Variants in SDHAF4 observed in about 807,000 individuals in gnomAD.
The protein encoded by SDHAF4 is succinate dehydrogenase assembly factor 4, mitochondrial.
SDHAF4 carries 14 observed loss-of-function variants against 14.3 expected under a neutral mutation model. The observed-to-expected ratio is 0.98, with a 90% CI of 0.65 to 1.53. The LOEUF is 1.53. Among genes scored for constraint, SDHAF4 ranks in the 40% most tolerant of loss-of-function variants. The probability of loss-of-function intolerance (pLI) is 0.00; values close to 1 mark genes in which losing one functional copy is unlikely to be tolerated. For missense variants in SDHAF4, 141 were observed against 129.3 expected (o/e 1.09, Z -0.44); for synonymous variants, 63 against 47.3 (o/e 1.33, Z -1.36).
intron 2 of SDHAF4, among the ~76,000 whole-genome samples, chr6:70,586,428 C>CTTTTTTTTTT (rs70990316): frequency 1.2e-5 from 1 of 80,304 alleles, no homozygotes; most frequent in Non-Finnish European, 2.4e-5. Flanking sequence ...ATTTGTTTGC[C>CTTTTTTTTTT]TTTTTTTTTT....
At chr6:70,594,790 T>C in the SDHAF4 span, among the ~76,000 whole-genome samples, 2 of 151,904 alleles carry the variant, frequency 1.3e-5, no homozygotes, top group African/African-American at 4.8e-5. Context: ...TGCACACCTG[T>C]AATCCCAGCT....
intron 1 of SDHAF4, among the ~76,000 whole-genome samples, chr6:70,568,756 T>G (rs528276690): frequency 3.9e-5 from 6 of 152,188 alleles, no homozygotes; most frequent in Non-Finnish European, 8.8e-5. Flanking sequence ...TTTCTAATTC[T>G]ATAGCAATTT....
intron 1 of SDHAF4, among the ~76,000 whole-genome samples, chr6:70,579,038 A>G (rs1802289196): frequency 1.3e-5 from 2 of 152,240 alleles, no homozygotes; most frequent in African/African-American, 2.4e-5. Context: ...ATTTAAATGT[A>G]GCCACTTCTG....
chr6:70,578,360 G>A (rs903790601), intron 1 of SDHAF4, among the ~76,000 whole-genome samples: 4 of 151,984 alleles, frequency 2.6e-5, no homozygotes, highest in Non-Finnish European at 4.4e-5. Context: ...TTTGTTGGCC[G>A]CTTATATGTC....
chr6:70,598,099 C>G, the SDHAF4 span, among the ~76,000 whole-genome samples: 1 of 152,262 alleles, frequency 6.6e-6, no homozygotes, highest in East Asian at 1.9e-4. Context: ...ATTTGCAGGC[C>G]GGATGTCGTG....
At chr6:70,593,638 A>G (rs1350851985), downstream of SDHAF4, among the ~76,000 whole-genome samples, 1 of 152,220 alleles carries the variant, frequency 6.6e-6, no homozygotes, top group Non-Finnish European at 1.5e-5. Context: ...CAGTGTTCAC[A>G]GGATGCCAGC....
At chr6:70,595,728 C>T in the SDHAF4 span, among the ~76,000 whole-genome samples, 20 of 151,024 alleles carry the variant, frequency 1.3e-4, no homozygotes, top group Admixed American at 9.3e-4. Context: ...CCCACATACT[C>T]GGGAGGCTGA....
At chr6:70,583,859 TCTGGGAGGGCCTGAAATCCCAGGTTA>T (rs1183921958) in intron 2 of SDHAF4, among the ~76,000 whole-genome samples, 1 of 152,180 alleles carries the variant, frequency 6.6e-6, no homozygotes, top group East Asian at 1.9e-4. Flanking sequence ...TCAGCTCAAA[TCTGGGAGGGCCTGAAATCCCAGGTTA>T]CAGTGTAAGG....
rs911636194 is a variant in SDHAF4 at position 70,588,793 on chromosome 6, TTTTC to T, written c.*77_*80del. The T allele has an allele frequency of 1.2e-6, 1 of 848,032 alleles. No individual in the cohort carries two copies. The allele number at this position is 848,032 out of a possible 1,614,324, so 52.5% of individuals were successfully genotyped here. ...ATCTGAATTAACTTATTTCTGATTA[TTTTC>T]TTTCTTTATATCCTTTATGTCGTGT... On this transcript the variant is annotated 3_prime_UTR_variant, in exon 3 of 3. Coordinates refer to ENST00000370474, the MANE Select transcript of SDHAF4 (RefSeq NM_145267.3).
At chr6:70,569,503 C>T (rs1295879555) in intron 1 of SDHAF4, among the ~76,000 whole-genome samples, 1 of 152,156 alleles carries the variant, frequency 6.6e-6, no homozygotes, top group Admixed American at 6.5e-5. Flanking sequence ...CTCGGCCTAC[C>T]GAAGTGTTGG....
chr6:70,590,265 G>C (rs1765246831), downstream of SDHAF4, among the ~76,000 whole-genome samples: 1 of 151,980 alleles, frequency 6.6e-6, no homozygotes, highest in Admixed American at 6.6e-5. Flanking sequence ...GCAAAGAAAA[G>C]AAAAGCACAC....
chr6:70,581,797 A>G lies in SDHAF4; in HGVS notation c.217+2231A>G, dbSNP rs993697355. ...TAATTTAAAAAATTTTTTTGTAGAG[A>G]TGAGGTCTTGCCATGTTACCCAGGC... is the stretch of plus-strand genomic sequence containing the variant. On this transcript the variant is annotated intron_variant, in intron 2 of 2. Transcript: ENST00000370474. Among the ~76,000 whole-genome samples, 3 of 152,020 alleles carry G rather than the reference A, an allele frequency of 2.0e-5. No homozygotes were observed. In the South Asian group the frequency reaches 6.2e-4, roughly 32 times the overall value.
At chr6:70,595,835 CAA>C in the SDHAF4 span, among the ~76,000 whole-genome samples, 28 of 98,674 alleles carry the variant, frequency 2.8e-4, no homozygotes, top group Middle Eastern at 5.1e-3. Context: ...GACTCTATCT[CAA>C]AAAAAAAAAA....
chr6:70,584,793 A>ACG (rs1364645450), intron 2 of SDHAF4, among the ~76,000 whole-genome samples: 1 of 152,202 alleles, frequency 6.6e-6, no homozygotes. Context: ...AGAAGTAGAT[A>ACG]CGAAAGTCAT....
At chr6:70,587,557 C>G (rs1765216055) in intron 2 of SDHAF4, among the ~76,000 whole-genome samples, 1 of 152,120 alleles carries the variant, frequency 6.6e-6, no homozygotes, top group Non-Finnish European at 1.5e-5. Flanking sequence ...CCTGTTTTTT[C>G]CATATACAGA....
intron 1 of SDHAF4, among the ~76,000 whole-genome samples, chr6:70,578,121 C>G (rs1271794531): frequency 6.6e-6 from 1 of 152,182 alleles, no homozygotes; most frequent in Non-Finnish European, 1.5e-5. Context: ...AATGATAGTT[C>G]TGTTTTAAGT....
At chr6:70,573,832 G>A (rs1802217658) in intron 1 of SDHAF4, among the ~76,000 whole-genome samples, 1 of 151,086 alleles carries the variant, frequency 6.6e-6, no homozygotes, top group East Asian at 2.0e-4. Context: ...CCACCACCAC[G>A]CCCAGCTAAT....
intron 1 of SDHAF4, among the ~76,000 whole-genome samples, chr6:70,569,961 A>T (rs6929087): frequency 1.3e-5 from 2 of 152,092 alleles, no homozygotes; most frequent in African/African-American, 4.8e-5. Context: ...TTTTTTTCAT[A>T]TCAAACACTT....
In SDHAF4 at chr6:70,588,954, G is replaced by T; in HGVS notation, c.*230G>T. On this transcript the variant is annotated 3_prime_UTR_variant, in exon 3 of 3. Coordinates refer to ENST00000370474, the MANE Select transcript of SDHAF4 (RefSeq NM_145267.3). ...CGCCTTTACTAAAAATACAAAATTA[G>T]CCAGGCGTGGTGGCATGCACCTGTA... 1 of 188,924 alleles carries T rather than the reference G, an allele frequency of 5.3e-6. No individual in the cohort carries two copies. The highest frequency in any genetic ancestry group is 1.1e-5 in the Non-Finnish European group (1 of 91,024). 11.7% of individuals were successfully genotyped at this position (188,924 alleles called of 1,614,324 possible). A position where few individuals can be genotyped will look rare whatever the true frequency, so the allele number is the denominator to read the frequency against.
Sources: gnomAD v4.1 joint callset for allele counts (sites outside exome capture counted in the v4.1 genomes callset) on GRCh38, gnomAD v4.1.1 for gene constraint, MANE v1.5 for transcripts, NCBI Gene and HGNC (gene_info 2026-07-23, HGNC 2026-07-21) for gene names.